Variants in SULT1E1 observed in about 807,000 individuals in gnomAD.
SULT1E1 encodes the protein sulfotransferase 1E1.
In SULT1E1, 36 loss-of-function variants were observed where a neutral mutation model predicts 33.6. That is an observed-to-expected ratio of 1.07 (90% CI 0.82 to 1.41). The LOEUF (loss-of-function observed/expected upper bound fraction) is 1.41, where lower values mean the gene tolerates loss of function less well. Among genes scored for constraint, SULT1E1 ranks in the 40% most tolerant of loss-of-function variants. SULT1E1 has a pLI of 0.00. For missense variants in SULT1E1, 371 were observed against 345.7 expected, an observed-to-expected ratio of 1.07 and a Z score of -0.58; for synonymous variants, 121 against 111.7, an observed-to-expected ratio of 1.08 and a Z score of -0.53.
chr4:69,855,385 C>A lies in SULT1E1; in HGVS notation c.187G>T (p.Glu63Ter). Residue 63 changes from glutamate (E) to a stop codon, truncating the protein, a stop_gained, in exon 3 of 8, where the codon GAG becomes TAG. Coordinates refer to ENST00000226444, the MANE Select transcript of SULT1E1 (RefSeq NM_005420.3). LOFTEE classifies it high-confidence loss of function. Reference sequence around the variant, plus strand: ...TCTTTGCACTTTTCCACATCACCCTCTTTATAGATCATATACACAATTTCA... The same window carrying A: ...TCTTTGCACTTTTCCACATCACCCTATTTATAGATCATATACACAATTTCA... ...VSEIVYMIYK[E>*]GDVEKCKEDV... 1 of 1,613,070 alleles carries A rather than the reference C, an allele frequency of 6.2e-7. No individual in the cohort carries two copies. The highest frequency in any genetic ancestry group is 8.5e-7 in the Non-Finnish European group (1 of 1,179,470).
downstream of SULT1E1, among the ~76,000 whole-genome samples, chr4:69,838,161 G>T (rs570824661): frequency 2.6e-5 from 4 of 151,972 alleles, no homozygotes; most frequent in African/African-American, 9.7e-5. Context: ...TAGGTCCTCT[G>T]TTTTCCCATC....
At chr4:69,840,499 T>C (rs1019313291), downstream of SULT1E1, among the ~76,000 whole-genome samples, 6 of 152,188 alleles carry the variant, frequency 3.9e-5, no homozygotes, top group Non-Finnish European at 8.8e-5. Flanking sequence ...ATAAAAAATT[T>C]TAATTCTTTT....
chr4:69,840,858 A>C (rs1720870000), downstream of SULT1E1, among the ~76,000 whole-genome samples: 1 of 152,242 alleles, frequency 6.6e-6, no homozygotes, highest in East Asian at 1.9e-4. Context: ...CATCCTGGCT[A>C]ACACTGTGAA....
chr4:69,837,237 C>G (rs1255951160), downstream of SULT1E1, among the ~76,000 whole-genome samples: 1 of 152,000 alleles, frequency 6.6e-6, no homozygotes, highest in African/African-American at 2.4e-5. Context: ...TTTTCTTTGC[C>G]ATAATGTCAT....
chr4:69,844,479 G>T (rs796374664), intron 6 of SULT1E1, 138 bp from the exon 7 acceptor site: 3 of 655,670 alleles, frequency 4.6e-6, no homozygotes, highest in South Asian at 2.6e-5. Context: ...TCTAATTGGG[G>T]GAATTTTATA....
At chr4:69,856,012 T>C (rs1370130730) in intron 2 of SULT1E1, among the ~76,000 whole-genome samples, 2 of 152,218 alleles carry the variant, frequency 1.3e-5, no homozygotes, top group Non-Finnish European at 1.5e-5. Context: ...GCTGCTGACA[T>C]GACATTTTGA....
At chr4:69,822,283 C>G in the SULT1E1 span, among the ~76,000 whole-genome samples, 1 of 152,060 alleles carries the variant, frequency 6.6e-6, no homozygotes, top group East Asian at 1.9e-4. Context: ...TACTGAGGCT[C>G]TAAGTTAAAC....
chr4:69,821,183 GT>G, the SULT1E1 span, among the ~76,000 whole-genome samples: 1 of 152,010 alleles, frequency 6.6e-6, no homozygotes, highest in Non-Finnish European at 1.5e-5. Context: ...TTAAAACACT[GT>G]TTTTTAATAA....
At chr4:69,825,411 G>A in the SULT1E1 span, among the ~76,000 whole-genome samples, 14 of 152,318 alleles carry the variant, frequency 9.2e-5, no homozygotes, top group African/African-American at 1.7e-4. Flanking sequence ...TTTGGCAACC[G>A]TGAAGGGACA....
chr4:69,825,850 C>T, the SULT1E1 span, among the ~76,000 whole-genome samples: 1 of 152,188 alleles, frequency 6.6e-6, no homozygotes, highest in African/African-American at 2.4e-5. Context: ...TTCCTCTTGC[C>T]TCTCTTCTCC....
intron 6 of SULT1E1, among the ~76,000 whole-genome samples, chr4:69,845,368 G>C (rs564201573): frequency 1.3e-5 from 2 of 151,344 alleles, no homozygotes; most frequent in Non-Finnish European, 3.0e-5. Flanking sequence ...TGATTATTAC[G>C]CATGGTGGCC....
chr4:69,844,379 A>G lies in SULT1E1; in HGVS notation c.592-38T>C, dbSNP rs11569713. On this transcript the variant is annotated intron_variant, in intron 6 of 7. Transcript: ENST00000226444. Reference sequence around the variant, plus strand: ...AATGTTTTGAGAACTAAATTGCTAAAACTGAATAAATCACTATCTAAATGA... The same window carrying G: ...AATGTTTTGAGAACTAAATTGCTAAGACTGAATAAATCACTATCTAAATGA... The G allele has an allele frequency of 3.3e-3, 4,918 of 1,486,576 alleles. 16 individuals are homozygous for G. The highest frequency in any genetic ancestry group is 3.7e-3 in the Non-Finnish European group (4,016 of 1,086,366). The allele number at this position is 1,486,576 out of a possible 1,614,324, so 92.1% of individuals were successfully genotyped here. A position where few individuals can be genotyped will look rare whatever the true frequency, so the allele number is the denominator to read the frequency against.
chr4:69,846,368 CTACTT>C (rs1298446243), intron 6 of SULT1E1, among the ~76,000 whole-genome samples: 5 of 148,534 alleles, frequency 3.4e-5, no homozygotes, highest in African/African-American at 1.2e-4. Context: ...ATTATCTTCT[CTACTT>C]TATAGGTTTC....
chr4:69,827,125 A>G, the SULT1E1 span, among the ~76,000 whole-genome samples: 1 of 152,218 alleles, frequency 6.6e-6, no homozygotes, highest in Non-Finnish European at 1.5e-5. Context: ...GGAAGCTTTC[A>G]GATGATCCTG....
At chr4:69,851,489 G>A (rs1721104997) in intron 4 of SULT1E1, among the ~76,000 whole-genome samples, 1 of 152,160 alleles carries the variant, frequency 6.6e-6, no homozygotes, top group South Asian at 2.1e-4. Flanking sequence ...TGCTGGAGAG[G>A]ATGTGGAGAA....
intron 1 of SULT1E1, among the ~76,000 whole-genome samples, chr4:69,858,585 C>T (rs1367786838): frequency 6.6e-6 from 1 of 152,040 alleles, no homozygotes; most frequent in African/African-American, 2.4e-5. Flanking sequence ...CACATTTGCC[C>T]AAAAACCTGC....
intron 3 of SULT1E1, among the ~76,000 whole-genome samples, chr4:69,854,888 TTAAC>T (rs1481008658): frequency 3.3e-5 from 5 of 152,036 alleles, no homozygotes; most frequent in South Asian, 2.1e-4. Flanking sequence ...TACACAACCT[TTAAC>T]TATTCTTTTG....
intron 5 of SULT1E1, among the ~76,000 whole-genome samples, chr4:69,848,087 GGTGTGTGTGT>G (rs3077575): frequency 2.7e-5 from 4 of 148,382 alleles, no homozygotes; most frequent in African/African-American, 4.9e-5. Flanking sequence ...TGTTGAAACT[GGTGTGTGTGT>G]GTGTGTGTGT....
At chr4:69,850,811 A>G (rs2110070211) in intron 4 of SULT1E1, among the ~76,000 whole-genome samples, 1 of 152,038 alleles carries the variant, frequency 6.6e-6, no homozygotes. Context: ...TTTCCCAGAT[A>G]GAAAAAAAGA....
Sources: allele counts gnomAD v4.1 joint callset (sites outside exome capture counted in the v4.1 genomes callset), GRCh38; gene constraint gnomAD v4.1.1; transcripts MANE v1.5; gene names NCBI Gene and HGNC (gene_info 2026-07-23, HGNC 2026-07-21).